Variants in CNTNAP1 observed in about 807,000 individuals in gnomAD.
CNTNAP1 encodes the protein contactin associated protein 1.
Under a neutral mutation model 161.5 loss-of-function variants are expected in CNTNAP1, and 80 were observed. The ratio of observed to expected loss-of-function variants is 0.50; its 90% CI spans 0.41 to 0.60. CNTNAP1 has a LOEUF of 0.60. Ranked by LOEUF, CNTNAP1 falls within the 20% of genes least tolerant of loss-of-function variation. CNTNAP1 has a pLI of 0.00. For synonymous variants in CNTNAP1, 695 were observed against 733.1 expected (o/e 0.95, Z 0.84); for missense variants, 1,464 against 1,854.8 (o/e 0.79, Z 3.87).
At chr17:42,693,564 G>C in intron 18 of CNTNAP1, 28 bp downstream of exon 18, 1 of 1,604,618 alleles carries the variant, frequency 6.2e-7, no homozygotes, top group Non-Finnish European at 8.5e-7. Context: ...TGGGGCAACA[G>C]GGAGCCATAG....
Position 42,687,974 on chromosome 17 carries a change from C to A in CNTNAP1, c.1299C>A (p.Phe433Leu). 1 of 1,612,700 alleles carries A rather than the reference C, an allele frequency of 6.2e-7. No individual in the cohort carries two copies. The highest frequency in any genetic ancestry group is 8.5e-7 in the Non-Finnish European group (1 of 1,179,196). ...AGAGCGGCCGAAAGAAGCTTCAGTT[C>A]GCTGCTGGTGAGGGCGTTTCGGGGG... ...IAQSGRKKLQ[F>L]AAGYRLNDGF... Residue 433 changes from phenylalanine (F) to leucine (L), a missense_variant, in exon 8 of 24, where the codon TTC becomes TTA. Physicochemically the swap from Phe to Leu is conservative, Grantham distance 22. Coordinates refer to ENST00000264638, the MANE Select transcript of CNTNAP1 (RefSeq NM_003632.3). This position sits in a 1 kb window ranked among gnomAD's most constrained non-coding sequence, Gnocchi z 4.7.
In CNTNAP1 at chr17:42,691,915, C is replaced by T. The variant is rs2053091684; in HGVS notation, c.2454C>T (p.Pro818=). ...CCTTCTACTTCAGGACCTCTGCTCC[C>T]TCGGGGGTCTTCCTAGAGAATATGG... ...DVSFYFRTSA[P]SGVFLENMGG... The change falls in exon 16 of 24, where the codon CCC becomes CCT. Residue 818 remains proline (P), a synonymous_variant. Transcript: ENST00000264638. The surrounding 1 kb of genome is among the most constrained non-coding windows in gnomAD (Gnocchi z 4.3). The T allele has an allele frequency of 1.9e-6, 3 of 1,614,058 alleles. No homozygotes were observed. The highest frequency in any genetic ancestry group is 1.7e-6 in the Non-Finnish European group (2 of 1,180,036).
At chr17:42,696,383 G>A (rs139186637) in intron 20 of CNTNAP1, among the ~76,000 whole-genome samples, 1 of 149,756 alleles carries the variant, frequency 6.7e-6, no homozygotes, top group Non-Finnish European at 1.5e-5. Context: ...GAGTGCAATG[G>A]TGTGATCTCA....
Position 42,684,107 on chromosome 17 carries a change from C to A in CNTNAP1, c.241C>A (p.Arg81=), listed in dbSNP as rs749287940. The part of the protein sequence containing the change: ...WLQIDLMKKH[R]IRAVATQGSF... ...CCAGATAGACTTAATGAAGAAGCACCGGATCCGGGCCGTGGCCACACAGGG... is the reference window on the plus strand; with the variant it reads ...CCAGATAGACTTAATGAAGAAGCACAGGATCCGGGCCGTGGCCACACAGGG... The change falls in exon 3 of 24, where the codon CGG becomes AGG. Residue 81 remains arginine (R), a synonymous_variant. Transcript: ENST00000264638. 4 of 1,614,070 alleles carry A rather than the reference C, an allele frequency of 2.5e-6. No homozygotes were observed. Among genetic ancestry groups the A allele is most frequent in the Non-Finnish European group, 3.4e-6 (4 of 1,180,034 alleles).
chr17:42,698,943 C>T lies in CNTNAP1; in HGVS notation c.*33C>T, dbSNP rs2053191218. 6.7e-7 allele frequency: 1 copy of T among 1,481,540 alleles called. No individual in the cohort carries two copies. Among genetic ancestry groups the T allele is most frequent in the Non-Finnish European group, 8.9e-7 (1 of 1,121,852 alleles). 91.8% of individuals were successfully genotyped at this position (1,481,540 alleles called of 1,614,324 possible). On this transcript the variant is annotated 3_prime_UTR_variant, in exon 24 of 24. Coordinates refer to ENST00000264638, the MANE Select transcript of CNTNAP1 (RefSeq NM_003632.3). ...GGGCTTCTGGGACCAATTCCAGCTC[C>T]TGACATTCCCCCAGTCCTGCCTCTC...
chr17:42,682,949 G>T, intron 1 of CNTNAP1, 53 bp downstream of exon 1: 2 of 1,520,500 alleles, frequency 1.3e-6, no homozygotes, highest in Non-Finnish European at 1.8e-6. Flanking sequence ...TCCAGAGCCT[G>T]CAGGGCGGCC....
Position 42,683,886 on chromosome 17 carries a change from A to G in CNTNAP1, c.133A>G (p.Ser45Gly). Residue 45 changes from serine (S) to glycine (G), a missense_variant, in exon 2 of 24, where the codon AGT becomes GGT. Physicochemically the swap from Ser to Gly is moderately conservative, Grantham distance 56 (BLOSUM62 0). Transcript: ENST00000264638. Reference sequence around the variant, plus strand: ...CTCCCTGGGCGCCTCCTCCTACTACAGTCTCCTTACTGCGCCGAGATTCGC... The same window carrying G: ...CTCCCTGGGCGCCTCCTCCTACTACGGTCTCCTTACTGCGCCGAGATTCGC... ...ARSLGASSYY[S>G]LLTAPRFARL... 1 of 1,613,606 alleles carries G rather than the reference A, an allele frequency of 6.2e-7. No individual in the cohort carries two copies. The highest frequency in any genetic ancestry group is 8.5e-7 in the Non-Finnish European group (1 of 1,179,986).
Position 42,696,116 on chromosome 17 carries a change from C to A in CNTNAP1, c.3438C>A (p.Ile1146=). ...RPVTDGQPHS[I]NITRVYRNLF... is the part of the protein sequence containing the mutation. ...TGACCGATGGCCAGCCCCATAGCAT[C>A]AATATCACCCGTGTTTACCGGAACC... Residue 1146 remains isoleucine, a synonymous_variant, in exon 20 of 24, where the codon ATC becomes ATA. Transcript: ENST00000264638. 3.1e-6 allele frequency: 5 copies of A among 1,614,180 alleles called. No individual in the cohort carries two copies. Among genetic ancestry groups the A allele is most frequent in the Non-Finnish European group, 4.2e-6 (5 of 1,180,022 alleles).
Position 42,691,121 on chromosome 17 carries a change from T to C in CNTNAP1, c.2060-16T>C. Reference sequence around the variant, plus strand: ...GGAGGGACAGGGCCTGGAAGCTGCCTGCACCTCTTCCCCAGGAGGCTACCC... The same window carrying C: ...GGAGGGACAGGGCCTGGAAGCTGCCCGCACCTCTTCCCCAGGAGGCTACCC... On this transcript the variant is annotated splice_polypyrimidine_tract_variant and intron_variant, in intron 13 of 23. Transcript: ENST00000264638. The surrounding 1 kb of genome is among the most constrained non-coding windows in gnomAD (Gnocchi z 4.3). 1.2e-6 allele frequency: 2 copies of C among 1,612,806 alleles called. No homozygotes were observed. Among genetic ancestry groups the C allele is most frequent in the Non-Finnish European group, 8.5e-7 (1 of 1,179,524 alleles).
At chr17:42,689,465 C>T in intron 10 of CNTNAP1, 56 bp from the exon 11 acceptor site, 1 of 1,382,074 alleles carries the variant, frequency 7.2e-7, no homozygotes, top group Non-Finnish European at 1.0e-6. Flanking sequence ...AGGGATCAGA[C>T]CCCACTCTCC....
intron 1 of CNTNAP1, 71 bp downstream of exon 1, chr17:42,682,967 G>A (rs559575550): frequency 4.2e-6 from 6 of 1,413,382 alleles, no homozygotes; most frequent in African/African-American, 2.9e-5. Flanking sequence ...GCCCCGAACC[G>A]CATTGCGGCT....
chr17:42,697,769 C>T lies in CNTNAP1; in HGVS notation c.3784C>T (p.Pro1262Ser). The change falls in exon 22 of 24, where the codon CCT becomes TCT. Residue 1262 changes from proline (P) to serine (S), a missense_variant. Physicochemically the swap from Pro to Ser is moderately conservative, Grantham distance 74. This residue lies in a region of CNTNAP1 where 1,383 missense variants were observed against 1,765.0 expected (regional missense o/e 0.78). Coordinates refer to ENST00000264638, the MANE Select transcript of CNTNAP1 (RefSeq NM_003632.3). ...AMPRLVSEVP[P>S]ELDPWYLPPD... ...GCCACGTCTTGTTTCAGAGGTGCCA[C>T]CTGAGCTTGATCCCTGGTATCTGCC... 4 of 1,614,160 alleles carry T rather than the reference C, an allele frequency of 2.5e-6. No individual in the cohort carries two copies. Among genetic ancestry groups the T allele is most frequent in the Non-Finnish European group, 2.5e-6 (3 of 1,180,040 alleles).
At position 42,688,490 on chromosome 17, in the gene CNTNAP1, C is replaced by T. The variant is rs1307797493; in HGVS notation, c.1335C>T (p.His445=). The change falls in exon 9 of 24, where the codon CAC becomes CAT. Residue 445 remains histidine (H), a synonymous_variant. Coordinates refer to ENST00000264638, the MANE Select transcript of CNTNAP1 (RefSeq NM_003632.3). ...ACCGACTGAATGACGGCTTTTGGCA[C>T]GAGGTGAATTTTGTGGCACAGGAAA... ...AGYRLNDGFW[H]EVNFVAQENH... 4.3e-6 allele frequency: 7 copies of T among 1,613,998 alleles called. No individual in the cohort carries two copies. The highest frequency in any genetic ancestry group is 2.7e-5 in the African/African-American group (2 of 74,886).
Position 42,689,192 on chromosome 17 carries a change from T to C in CNTNAP1, c.1628+145T>C, listed in dbSNP as rs72826965. ...TTGGGGATGATTCTTCTTTGATCTC[T>C]TACCTCCTATTTCTTCCCTTAAGGT... On this transcript the variant is annotated intron_variant, in intron 10 of 23. Transcript: ENST00000264638. 59,726 of 796,722 alleles carry C rather than the reference T, an allele frequency of 0.075. 2,912 individuals carry two copies. Among genetic ancestry groups the C allele is most frequent in the African/African-American group, 0.16 (9,253 of 57,216 alleles). 49.4% of individuals were successfully genotyped at this position (796,722 alleles called of 1,614,324 possible). A position where few individuals can be genotyped will look rare whatever the true frequency, so the allele number is the denominator to read the frequency against.
Position 42,699,931 on chromosome 17 carries a change from G to C in CNTNAP1, c.*1021G>C, listed in dbSNP as rs1471318714. ...TGGTCCGGCCTCCACTCTGAAGCAG[G>C]GTTGAGCCTGCTGTGCTCTCAGACG... On this transcript the variant is annotated 3_prime_UTR_variant, in exon 24 of 24. Coordinates refer to ENST00000264638, the MANE Select transcript of CNTNAP1 (RefSeq NM_003632.3). 1.3e-5 allele frequency: 2 copies of C among 152,802 alleles called. No individual in the cohort carries two copies. 9.5% of individuals were successfully genotyped at this position (152,802 alleles called of 1,614,324 possible).
intron 16 of CNTNAP1, 146 bp from the exon 17 acceptor site, chr17:42,692,353 A>G: frequency 1.4e-6 from 1 of 693,308 alleles, no homozygotes; most frequent in Non-Finnish European, 2.4e-6. Context: ...GCAGCTGGTA[A>G]GTTTCAATGC....
rs749630930 is a variant in CNTNAP1 at position 42,688,006 on chromosome 17, AAGAAG to A, written c.1306+36_1306+40del. The A allele has an allele frequency of 7.2e-5, 115 of 1,606,402 alleles. 1 individual carries two copies. The highest frequency in any genetic ancestry group is 4.0e-4 in the East Asian group (18 of 44,804). On this transcript the variant is annotated intron_variant, in intron 8 of 23. Transcript: ENST00000264638. ...GGTGAGGGCGTTTCGGGGGAGGCAC[AAGAAG>A]AGAAGAGAAGTGTAGAGGATCCCAG... is the stretch of plus-strand genomic sequence containing the variant.
At chr17:42,686,375 T>C (rs1033168966) in intron 6 of CNTNAP1, among the ~76,000 whole-genome samples, 1 of 150,264 alleles carries the variant, frequency 6.7e-6, no homozygotes, top group Non-Finnish European at 1.5e-5. Context: ...CCTACCTCTA[T>C]TTAAAAAAAT....
chr17:42,689,751 G>T (rs554513321), intron 11 of CNTNAP1, 124 bp downstream of exon 11: 51 of 787,870 alleles, frequency 6.5e-5, no homozygotes, highest in Non-Finnish European at 8.8e-5. Flanking sequence ...TTTGTTTTTG[G>T]TTTTTTTGAG....
Sources: gnomAD v4.1 joint callset for allele counts (sites outside exome capture counted in the v4.1 genomes callset) on GRCh38, gnomAD v4.1.1 for gene constraint, gnomAD v4.1.1 regional missense constraint, Gnocchi (gnomAD v3.1) non-coding constraint, MANE v1.5 for transcripts, NCBI Gene and HGNC (gene_info 2026-07-23, HGNC 2026-07-21) for gene names.